SPTBN2: variants seen among roughly 807,000 people sequenced by gnomAD.
The protein encoded by SPTBN2 is spectrin beta, non-erythrocytic 2.
In SPTBN2, 107 loss-of-function variants were observed where a neutral mutation model predicts 284.2. That is an observed-to-expected ratio of 0.38 (90% CI 0.32 to 0.44). The LOEUF is 0.44. Among genes scored for constraint, SPTBN2 ranks in the 20% least tolerant of loss-of-function variants. SPTBN2 has a pLI of 1.00. For synonymous variants in SPTBN2, 1,289 were observed against 1,354.8 expected (o/e 0.95, Z 1.07); for missense variants, 2,569 against 3,287.1 (o/e 0.78, Z 5.34).
chr11:66,690,196 C>T lies in SPTBN2; in HGVS notation c.5653G>A (p.Val1885Met), dbSNP rs770241054. 3.8e-5 allele frequency: 61 copies of T among 1,613,824 alleles called. No individual in the cohort carries two copies. Among genetic ancestry groups the T allele is most frequent in the Middle Eastern group, 1.6e-4 (1 of 6,084 alleles). The change falls in exon 28 of 38, where the codon GTG (valine) becomes ATG (methionine). Residue 1885 changes from valine (V) to methionine (M), a missense_variant. Val to Met is a conservative substitution (Grantham distance 21). Around this residue, in one of 6 missense-constraint regions of SPTBN2, gnomAD observed 1,130 missense variants for 1,317.3 expected, o/e 0.86. Transcript: ENST00000533211. ...TGAAGCTGGGCCCAGGCCTCGGCCA[C>T]GGCCTGCATGTGGCGGCCGATCTCC... ...AEEIGRHMQAVAEAWAQLQGS... is the reference protein window; with the variant it reads ...AEEIGRHMQAMAEAWAQLQGS...
chr11:66,696,585 A>T, intron 20 of SPTBN2, 45 bp from the exon 21 acceptor site: 4 of 1,605,738 alleles, frequency 2.5e-6, no homozygotes, highest in Non-Finnish European at 3.4e-6. Context: ...AATTAGCCTG[A>T]ACTTTAGAGG....
intron 1 of SPTBN2, among the ~76,000 whole-genome samples, chr11:66,741,305 C>A (rs748737530): frequency 2.0e-5 from 3 of 152,184 alleles, no homozygotes; most frequent in Non-Finnish European, 4.4e-5. Context: ...CTTCCCCCTT[C>A]ACTGGGCACT....
rs749233146 is a variant in SPTBN2, at chr11:66,688,047, G to A, written c.6407C>T (p.Ala2136Val). 2 of 1,614,200 alleles carry A rather than the reference G, an allele frequency of 1.2e-6. No individual in the cohort carries two copies. Among genetic ancestry groups the A allele is most frequent in the Non-Finnish European group, 1.7e-6 (2 of 1,180,030 alleles). ...TGTGCAGACTCCATTAACACTGGGTGCTTGTGTGGATGGTGGTGGCCGTGG... is the reference window on the plus strand; with the variant it reads ...TGTGCAGACTCCATTAACACTGGGTACTTGTGTGGATGGTGGTGGCCGTGG... Reference protein sequence around the residue: ...TQPRPPPSTQAPSVNGVCTDG... With the variant: ...TQPRPPPSTQVPSVNGVCTDG... The change falls in exon 33 of 38, where the codon GCA becomes GTA. Residue 2136 changes from alanine to valine, a missense_variant. Coordinates refer to ENST00000533211, the MANE Select transcript of SPTBN2 (RefSeq NM_006946.4).
chr11:66,690,494 G>T (rs1940468023), intron 27 of SPTBN2: 3 of 640,788 alleles, frequency 4.7e-6, no homozygotes, highest in Admixed American at 5.9e-5. Flanking sequence ...GGGCTTAACT[G>T]GGGGAGGATC....
chr11:66,713,798 A>G (rs1942004668), intron 7 of SPTBN2, 52 bp from the exon 8 acceptor site: 1 of 1,406,008 alleles, frequency 7.1e-7, no homozygotes, highest in Admixed American at 1.7e-5. Context: ...GATCTCGAAG[A>G]GGAAGAGGAA....
At chr11:66,719,590 G>A (rs1942300115) in intron 3 of SPTBN2, among the ~76,000 whole-genome samples, 1 of 152,170 alleles carries the variant, frequency 6.6e-6, no homozygotes, top group Non-Finnish European at 1.5e-5. Context: ...ACAGTGCTGG[G>A]TGGCCCAAGT....
In SPTBN2 at chr11:66,685,072, C is replaced by G. The variant is rs1017317821; in HGVS notation, c.*799G>C. Among the ~76,000 whole-genome samples, 3 of 152,160 alleles carry G rather than the reference C, an allele frequency of 2.0e-5. No individual in the cohort carries two copies. The highest frequency in any genetic ancestry group is 7.2e-5 in the African/African-American group (3 of 41,434). ...GCTTGGCATTGGTCAACCCAGCACA[C>G]TGGAGGTCACTGTCAGAGGGAAATG... On this transcript the variant is annotated 3_prime_UTR_variant, in exon 38 of 38. Transcript: ENST00000533211. The surrounding 1 kb of genome is among the most constrained non-coding windows in gnomAD (Gnocchi z 4.4).
upstream of SPTBN2, among the ~76,000 whole-genome samples, chr11:66,732,981 CAAAA>C (rs57325257): frequency 8.4e-6 from 1 of 118,818 alleles, no homozygotes; most frequent in Non-Finnish European, 1.8e-5. Flanking sequence ...ACCAACCAAC[CAAAA>C]AAAAAAAAAA....
At chr11:66,722,575 CAAAAAAAA>C (rs35183530) in intron 1 of SPTBN2, among the ~76,000 whole-genome samples, 9 of 51,018 alleles carry the variant, frequency 1.8e-4, no homozygotes, top group African/African-American at 5.5e-4. Flanking sequence ...GACTCTGTCT[CAAAAAAAA>C]AAAAAAAAAA....
chr11:66,685,509 A>G lies in SPTBN2; in HGVS notation c.*362T>C, dbSNP rs528862578. 48 of 318,484 alleles carry G rather than the reference A, an allele frequency of 1.5e-4. No individual in the cohort carries two copies. Among genetic ancestry groups the G allele is most frequent in the African/African-American group, 6.7e-4 (31 of 46,562 alleles). The allele number at this position is 318,484 out of a possible 1,614,324, so 19.7% of individuals were successfully genotyped here. Reference sequence around the variant, plus strand: ...GAAGGCAGAAGGCGAGTGCCCTCGCATGGCAGGAGAATGACCCTGAGGCAG... The same window carrying G: ...GAAGGCAGAAGGCGAGTGCCCTCGCGTGGCAGGAGAATGACCCTGAGGCAG... On this transcript the variant is annotated 3_prime_UTR_variant, in exon 38 of 38. Coordinates refer to ENST00000533211, the MANE Select transcript of SPTBN2 (RefSeq NM_006946.4). The surrounding 1 kb of genome is among the most constrained non-coding windows in gnomAD (Gnocchi z 4.4).
intron 1 of SPTBN2, among the ~76,000 whole-genome samples, chr11:66,740,682 A>G (rs898665928): frequency 1.3e-5 from 2 of 152,200 alleles, no homozygotes; most frequent in African/African-American, 4.8e-5. Flanking sequence ...TCAGGACCCG[A>G]GAGAAGCAGT....
chr11:66,721,552 G>GA, intron 1 of SPTBN2, 112 bp from the exon 2 acceptor site: 2 of 434,084 alleles, frequency 4.6e-6, no homozygotes, highest in Non-Finnish European at 8.6e-6. Context: ...AGAGAGGGAC[G>GA]GGTTTGCGGG....
At chr11:66,728,317 C>A (rs900473680) in intron 1 of SPTBN2, 1 of 144,490 alleles carries the variant, frequency 6.9e-6, no homozygotes, top group Admixed American at 6.8e-5. Flanking sequence ...GCAGGCGGCG[C>A]GGGGGGCGCG....
chr11:66,719,998 C>T (rs1344378941), intron 3 of SPTBN2, among the ~76,000 whole-genome samples: 1 of 152,174 alleles, frequency 6.6e-6, no homozygotes, highest in Non-Finnish European at 1.5e-5. Context: ...AGGGGGTCCT[C>T]AGACTGGTGC....
chr11:66,707,718 A>G lies in SPTBN2; in HGVS notation c.1451T>C (p.Val484Ala), dbSNP rs199940982. ...IVAYSGRVQAVDAVAAELAAE... is the reference protein window; with the variant it reads ...IVAYSGRVQAADAVAAELAAE... ...GGCCAGCTCTGCAGCCACGGCGTCC[A>G]CTGCCTGCACCCGGCCGCTGTAGGC... Residue 484 changes from valine to alanine, a missense_variant, in exon 13 of 38, where the codon GTG becomes GCG. Physicochemically the swap from Val to Ala is moderately conservative, Grantham distance 64. Around this residue, in one of 6 missense-constraint regions of SPTBN2, gnomAD observed 1,012 missense variants for 1,248.9 expected, o/e 0.81. Transcript: ENST00000533211. This position sits in a 1 kb window ranked among gnomAD's most constrained non-coding sequence, Gnocchi z 4.9. 4 of 1,605,284 alleles carry G rather than the reference A, an allele frequency of 2.5e-6. No individual in the cohort carries two copies. Among genetic ancestry groups the G allele is most frequent in the South Asian group, 1.1e-5 (1 of 90,986 alleles).
rs766843735 is a variant in SPTBN2, at chr11:66,687,974, G to A, written c.6450+30C>T. Reference sequence around the variant, plus strand: ...GCGGGGGTGGAGGGGCTACGACTCCGATGGGGGCACAGAGGGACAGTGGGG... The same window carrying A: ...GCGGGGGTGGAGGGGCTACGACTCCAATGGGGGCACAGAGGGACAGTGGGG... On this transcript the variant is annotated intron_variant, in intron 33 of 37. Coordinates refer to ENST00000533211, the MANE Select transcript of SPTBN2 (RefSeq NM_006946.4). This position sits in a 1 kb window ranked among gnomAD's most constrained non-coding sequence, Gnocchi z 5.2. 8.1e-5 allele frequency: 130 copies of A among 1,614,046 alleles called. No homozygotes were observed. Among genetic ancestry groups the A allele is most frequent in the South Asian group, 1.5e-4 (14 of 91,088 alleles).
intron 21 of SPTBN2, among the ~76,000 whole-genome samples, chr11:66,695,952 G>A (rs1024395378): frequency 4.6e-5 from 7 of 151,998 alleles, no homozygotes; most frequent in African/African-American, 1.5e-4. Context: ...GGCCAGGCTG[G>A]TCTTGAACTC....
intron 13 of SPTBN2, among the ~76,000 whole-genome samples, chr11:66,706,632 CT>C (rs1261017116): frequency 3.5e-3 from 467 of 133,296 alleles, no homozygotes; most frequent in Middle Eastern, 0.013. Context: ...TGCCTAGCTG[CT>C]TTTTTTTTTT....
At position 66,705,381 on chromosome 11, in the gene SPTBN2, G is replaced by A. The variant is rs757932120; in HGVS notation, c.1895C>T (p.Ala632Val). Residue 632 changes from alanine to valine, a missense_variant, in exon 15 of 38, where the codon GCG becomes GTG. Ala to Val is a moderately conservative substitution (Grantham distance 64, BLOSUM62 0). Transcript: ENST00000533211. Reference sequence around the variant, plus strand: ...TGATTCCTCCAGCCGGGCCCGCCGCGCCGCTGCCAACTCGCACAGTGCCTC... The same window carrying A: ...TGATTCCTCCAGCCGGGCCCGCCGCACCGCTGCCAACTCGCACAGTGCCTC... ...SYEALCELAA[A>V]RRARLEESRR... is the part of the protein sequence containing the mutation. 110 of 1,612,604 alleles carry A rather than the reference G, an allele frequency of 6.8e-5. No individual in the cohort carries two copies. The highest frequency in any genetic ancestry group is 6.6e-5 in the Non-Finnish European group (78 of 1,179,938).
Sources: allele counts gnomAD v4.1 joint callset (sites outside exome capture counted in the v4.1 genomes callset), GRCh38; gene constraint gnomAD v4.1.1; regional missense constraint gnomAD v4.1.1; non-coding constraint Gnocchi (gnomAD v3.1); transcripts MANE v1.5; gene names NCBI Gene and HGNC (gene_info 2026-07-23, HGNC 2026-07-21).